Variants in DNAI4 observed in about 807,000 individuals in gnomAD.
DNAI4 encodes the protein WD repeat domain 78.
DNAI4 carries 85 observed loss-of-function variants against 105.8 expected under a neutral mutation model. That is an observed-to-expected ratio of 0.80 (90% CI 0.67 to 0.96). The LOEUF (loss-of-function observed/expected upper bound fraction) is 0.96. Ranked by LOEUF, DNAI4 falls within the 40% of genes least tolerant of loss-of-function variation. The pLI is 0.00. For synonymous variants in DNAI4, 352 were observed against 331.5 expected, an observed-to-expected ratio of 1.06 and a Z score of -0.67; for missense variants, 1,014 against 1,005.6, an observed-to-expected ratio of 1.01 and a Z score of -0.11.
At chr1:66,825,771 T>C (rs982568907) in intron 15 of DNAI4, among the ~76,000 whole-genome samples, 2 of 152,232 alleles carry the variant, frequency 1.3e-5, no homozygotes, top group Non-Finnish European at 2.9e-5. Flanking sequence ...TGGTTCATAC[T>C]GTTTTGTAAA....
chr1:66,906,793 C>T (rs1649287099), intron 1 of DNAI4: 1 of 152,144 alleles, frequency 6.6e-6, no homozygotes, highest in Admixed American at 6.5e-5. Flanking sequence ...AATAAACTAT[C>T]ATTCATGTAA....
intron 2 of DNAI4, 41 bp from the exon 3 acceptor site, chr1:66,893,454 A>G (rs184839825): frequency 6.6e-6 from 9 of 1,361,104 alleles, no homozygotes; most frequent in Non-Finnish European, 8.7e-6. Flanking sequence ...ACTAAAAAAG[A>G]CAGGGCTTCT....
chr1:66,898,047 C>G (rs191951199), intron 2 of DNAI4, among the ~76,000 whole-genome samples: 4 of 152,296 alleles, frequency 2.6e-5, no homozygotes, highest in African/African-American at 9.6e-5. Flanking sequence ...GGGACCCAAT[C>G]CCTGCACCAG....
At position 66,909,899 on chromosome 1, in the gene DNAI4, C is replaced by A. The variant is rs143619234; in HGVS notation, c.171-4524G>T. On this transcript the variant is annotated intron_variant, in intron 1 of 16. Transcript: ENST00000371026. ...AAAAATTTCAAAATACATCTGGAAT[C>A]CATTCATTTGTCACCACTCTTGTTG... is the stretch of plus-strand genomic sequence containing the variant. Among the ~76,000 whole-genome samples the A allele has an allele frequency of 2.4e-3, 364 of 152,266 alleles. 5 individuals are homozygous for A. Among genetic ancestry groups the A allele is most frequent in the African/African-American group, 8.3e-3 (344 of 41,554 alleles).
At chr1:66,862,980 T>C (rs889181506) in intron 6 of DNAI4, among the ~76,000 whole-genome samples, 11 of 152,232 alleles carry the variant, frequency 7.2e-5, no homozygotes, top group Admixed American at 6.5e-5. Flanking sequence ...TATACACTTA[T>C]TATGTGAAAA....
chr1:66,904,171 G>T (rs1649062800), intron 2 of DNAI4, among the ~76,000 whole-genome samples: 1 of 151,994 alleles, frequency 6.6e-6, no homozygotes, highest in Non-Finnish European at 1.5e-5. Flanking sequence ...ATATGTAAAG[G>T]TGCTATGAAC....
intron 1 of DNAI4, among the ~76,000 whole-genome samples, chr1:66,915,124 G>A (rs1379127496): frequency 6.6e-6 from 1 of 152,156 alleles, no homozygotes; most frequent in Non-Finnish European, 1.5e-5. Flanking sequence ...AATGACCTTT[G>A]CTCTGTAATC....
chr1:66,820,258 T>A (rs1032566219), intron 16 of DNAI4, among the ~76,000 whole-genome samples: 1 of 150,644 alleles, frequency 6.6e-6, no homozygotes, highest in Non-Finnish European at 1.5e-5. Context: ...CAAAAAAAAA[T>A]ACAGATGATA....
At chr1:66,893,902 C>T (rs890484685) in intron 2 of DNAI4, among the ~76,000 whole-genome samples, 22 of 152,178 alleles carry the variant, frequency 1.4e-4, no homozygotes, top group African/African-American at 5.3e-4. Flanking sequence ...TTCCTATCAC[C>T]TAGTGACATC....
At chr1:66,915,688 G>T (rs1207740016) in intron 1 of DNAI4, among the ~76,000 whole-genome samples, 1 of 152,072 alleles carries the variant, frequency 6.6e-6, no homozygotes, top group Non-Finnish European at 1.5e-5. Flanking sequence ...AACAAGTTTT[G>T]TCTAATTCAA....
chr1:66,920,198 G>A (rs1477793612), intron 1 of DNAI4, among the ~76,000 whole-genome samples: 2 of 152,266 alleles, frequency 1.3e-5, no homozygotes, highest in East Asian at 1.9e-4. Flanking sequence ...GACTTCAGAG[G>A]GACAGCTTGA....
chr1:66,905,362 G>C lies in DNAI4; in HGVS notation c.184C>G (p.Gln62Glu), dbSNP rs1343367680. The change falls in exon 2 of 17, where the codon CAA becomes GAA. Residue 62 changes from glutamine (Q) to glutamate (E), a missense_variant. Coordinates refer to ENST00000371026, the MANE Select transcript of DNAI4 (RefSeq NM_024763.5). ...AAAAAGCTAATAGACTTCTTTGGTT[G>C]TGTGGCATTGTTCCTATATAAGAAA... ...QQNFGLNNATQPKKSISFFAT... is the reference protein window; with the variant it reads ...QQNFGLNNATEPKKSISFFAT... 4.1e-6 allele frequency: 6 copies of C among 1,469,656 alleles called. No individual in the cohort carries two copies. Among genetic ancestry groups the C allele is most frequent in the Admixed American group, 2.0e-5 (1 of 50,506 alleles). The allele number at this position is 1,469,656 out of a possible 1,614,324, so 91.0% of individuals were successfully genotyped here.
At chr1:66,922,780 G>A (rs995866308) in intron 1 of DNAI4, among the ~76,000 whole-genome samples, 1 of 152,220 alleles carries the variant, frequency 6.6e-6, no homozygotes, top group Non-Finnish European at 1.5e-5. Context: ...AAATGAGAAA[G>A]ATTGCAGTTA....
intron 10 of DNAI4, among the ~76,000 whole-genome samples, chr1:66,837,373 A>AAAC (rs1210912032): frequency 6.6e-6 from 1 of 151,690 alleles, no homozygotes; most frequent in Non-Finnish European, 1.5e-5. Context: ...TCAAAAAAAA[A>AAAC]AAAAAAAAAA....
At chr1:66,815,451 T>G (rs1645496308) in intron 16 of DNAI4, among the ~76,000 whole-genome samples, 1 of 152,230 alleles carries the variant, frequency 6.6e-6, no homozygotes, top group South Asian at 2.1e-4. Flanking sequence ...CATTAATTTC[T>G]TACATATATT....
At chr1:66,832,968 T>A (rs1166031435) in intron 13 of DNAI4, among the ~76,000 whole-genome samples, 1 of 152,160 alleles carries the variant, frequency 6.6e-6, no homozygotes, top group Non-Finnish European at 1.5e-5. Context: ...TAGAAGACTA[T>A]ATACAAGTGG....
intron 7 of DNAI4, among the ~76,000 whole-genome samples, chr1:66,849,918 T>C (rs1646359832): frequency 6.6e-6 from 1 of 152,044 alleles, no homozygotes; most frequent in African/African-American, 2.4e-5. Flanking sequence ...CAAAAACCTC[T>C]GCAACCATAA....
At chr1:66,876,035 C>T (rs1646951720) in intron 4 of DNAI4, among the ~76,000 whole-genome samples, 1 of 151,878 alleles carries the variant, frequency 6.6e-6, no homozygotes. Flanking sequence ...TTTTAAGTTG[C>T]AAATCTTCTT....
intron 13 of DNAI4, among the ~76,000 whole-genome samples, chr1:66,829,131 G>A (rs1471347009): frequency 6.6e-6 from 1 of 152,090 alleles, no homozygotes; most frequent in African/African-American, 2.4e-5. Context: ...GAGAGAAGAT[G>A]GCCCTTCAGA....
Sources: allele counts gnomAD v4.1 joint callset (sites outside exome capture counted in the v4.1 genomes callset), GRCh38; gene constraint gnomAD v4.1.1; transcripts MANE v1.5; gene names NCBI Gene and HGNC (gene_info 2026-07-23, HGNC 2026-07-21).